The following SLC7A1 variants were observed in gnomAD, a reference collection of about 807,000 sequenced individuals.
SLC7A1 encodes the protein solute carrier family 7 member 1.
Under a neutral mutation model 53.9 loss-of-function variants are expected in SLC7A1, and 10 were observed. The ratio of observed to expected loss-of-function variants is 0.19; its 90% CI spans 0.11 to 0.31. The LOEUF is 0.31. Among genes scored for constraint, SLC7A1 ranks in the 10% least tolerant of loss-of-function variants. The pLI is 1.00. For missense variants in SLC7A1, 525 were observed against 827.2 expected, an observed-to-expected ratio of 0.63 and a Z score of 4.48; for synonymous variants, 342 against 338.7, an observed-to-expected ratio of 1.01 and a Z score of -0.11.
rs1883582077 is a variant in SLC7A1, at chr13:29,517,178, C to T, written c.1643G>A (p.Arg548Lys). Residue 548 changes from arginine (R) to lysine (K), a missense_variant, in exon 11 of 13, where the codon AGG becomes AAG. Physicochemically the swap from Arg to Lys is conservative, Grantham distance 26. Transcript: ENST00000380752. ...LCAVVTGVIW[R>K]QPESKTKLSF... ...GAGCTTGGTCTTGCTCTCGGGCTGCCTCCAGATGACGCCCGTGACCACGGC... is the reference window on the plus strand; with the variant it reads ...GAGCTTGGTCTTGCTCTCGGGCTGCTTCCAGATGACGCCCGTGACCACGGC... The T allele has an allele frequency of 6.2e-7, 1 of 1,612,458 alleles. No individual in the cohort carries two copies. The highest frequency in any genetic ancestry group is 8.5e-7 in the Non-Finnish European group (1 of 1,179,360).
chr13:29,530,038 T>A (rs2139092737), intron 5 of SLC7A1, among the ~76,000 whole-genome samples: 2 of 152,312 alleles, frequency 1.3e-5, no homozygotes, highest in Middle Eastern at 6.8e-3. Context: ...AAGACTATTG[T>A]GCTCACATTC....
chr13:29,545,888 T>C (rs280950), intron 2 of SLC7A1, among the ~76,000 whole-genome samples: 149,563 of 152,368 alleles, frequency 0.98, 73,476 homozygotes, highest in East Asian at 1. Flanking sequence ...ACCCGAAAAG[T>C]GTTTCCTCCT....
rs2139107051 is a variant in SLC7A1 at position 29,537,103 on chromosome 13, A to C, written c.-14-901T>G. Among the ~76,000 whole-genome samples the C allele has an allele frequency of 1.3e-5, 2 of 152,320 alleles. 1 individual carries two copies. The highest frequency in any genetic ancestry group is 4.1e-4 in the South Asian group (2 of 4,832). On this transcript the variant is annotated intron_variant, in intron 2 of 12. Transcript: ENST00000380752. ...AAGGACAGGCCAGCAGCCACCCTCA[A>C]AAAGGGGGAGCTTTGCTCCCCACAT...
At position 29,530,519 on chromosome 13, in the gene SLC7A1, G is replaced by T. The variant is rs1426744386; in HGVS notation, c.704+19C>A. ...CATTAAATGTCAACTAAGAAAAATGGTCAGAAGCAGCAACTCACTTGTTCA... is the reference window on the plus strand; with the variant it reads ...CATTAAATGTCAACTAAGAAAAATGTTCAGAAGCAGCAACTCACTTGTTCA... On this transcript the variant is annotated intron_variant, in intron 5 of 12. Transcript: ENST00000380752. 1 of 1,610,978 alleles carries T rather than the reference G, an allele frequency of 6.2e-7. No individual in the cohort carries two copies. The highest frequency in any genetic ancestry group is 8.5e-7 in the Non-Finnish European group (1 of 1,177,610).
rs141969236 is a variant in SLC7A1, at chr13:29,556,404, C to A, written c.-114-2544G>T. ...AATTTTCTTTTTTTTTAGACAGGGT[C>A]TCACTCTGTCACTCAGGCGACAGAA... On this transcript the variant is annotated intron_variant, in intron 1 of 12. Coordinates refer to ENST00000380752, the MANE Select transcript of SLC7A1 (RefSeq NM_003045.5). Among the ~76,000 whole-genome samples the A allele has an allele frequency of 6.6e-5, 10 of 151,938 alleles. No individual in the cohort carries two copies. The East Asian group carries it at 1.9e-3, about 29-fold the overall frequency.
At chr13:29,555,542 C>G (rs554779578) in intron 1 of SLC7A1, among the ~76,000 whole-genome samples, 1 of 151,326 alleles carries the variant, frequency 6.6e-6, no homozygotes, top group South Asian at 2.1e-4. Flanking sequence ...CACCGAGAAC[C>G]ATGAAGGTTG....
intron 1 of SLC7A1, among the ~76,000 whole-genome samples, chr13:29,567,899 G>A (rs944939701): frequency 2.0e-5 from 3 of 151,890 alleles, no homozygotes; most frequent in Non-Finnish European, 4.4e-5. Flanking sequence ...TTGCTGGAAC[G>A]TGCATGCCCT....
intron 7 of SLC7A1, among the ~76,000 whole-genome samples, chr13:29,523,023 A>G (rs1268653612): frequency 6.6e-6 from 1 of 152,212 alleles, no homozygotes; most frequent in Non-Finnish European, 1.5e-5. Context: ...TCCCTTGCTA[A>G]GCAGATGATG....
At chr13:29,567,191 C>T (rs149206357) in intron 1 of SLC7A1, among the ~76,000 whole-genome samples, 2 of 152,050 alleles carry the variant, frequency 1.3e-5, no homozygotes, top group Non-Finnish European at 2.9e-5. Flanking sequence ...GGTGACAGGG[C>T]GCAGAATAAT....
rs2776953 is a variant in SLC7A1 at position 29,518,905 on chromosome 13, G to T, written c.1292+542C>A. On this transcript the variant is annotated intron_variant, in intron 9 of 12. Coordinates refer to ENST00000380752, the MANE Select transcript of SLC7A1 (RefSeq NM_003045.5). ...GCCCAGAGCAGCTTTACTGTGACTG[G>T]GAGAGGCTTGCCTGGCCCCCACCAG... Among the ~76,000 whole-genome samples the T allele has an allele frequency of 2.9e-4, 44 of 151,868 alleles. No individual in the cohort carries two copies. The South Asian group carries it at 7.3e-3, about 25-fold the overall frequency.
chr13:29,543,835 G>C (rs182597366), intron 2 of SLC7A1, among the ~76,000 whole-genome samples: 1 of 152,212 alleles, frequency 6.6e-6, no homozygotes, highest in Non-Finnish European at 1.5e-5. Context: ...TTCTGCAGGA[G>C]GACAGAGTGG....
chr13:29,550,419 C>G (rs895886381), intron 2 of SLC7A1, among the ~76,000 whole-genome samples: 5 of 152,252 alleles, frequency 3.3e-5, no homozygotes, highest in Non-Finnish European at 5.9e-5. Context: ...CACTTTTCAA[C>G]TCCCCCTTTC....
chr13:29,583,726 T>A (rs1472643876), intron 1 of SLC7A1, among the ~76,000 whole-genome samples: 1 of 152,194 alleles, frequency 6.6e-6, no homozygotes, highest in Non-Finnish European at 1.5e-5. Flanking sequence ...TAGGCCTGAA[T>A]CCCAGCACAA....
chr13:29,561,653 A>AGAAC (rs1260354491), intron 1 of SLC7A1, among the ~76,000 whole-genome samples: 8 of 152,214 alleles, frequency 5.3e-5, no homozygotes, highest in African/African-American at 1.9e-4. Flanking sequence ...AAGGAGAGTG[A>AGAAC]TGGAGGACAG....
At chr13:29,519,758 G>A (rs1036553495) in intron 8 of SLC7A1, among the ~76,000 whole-genome samples, 5 of 148,834 alleles carry the variant, frequency 3.4e-5, no homozygotes, top group Non-Finnish European at 5.9e-5. Flanking sequence ...GTCCTCAACA[G>A]ACAGTAATCA....
chr13:29,535,403 T>C (rs1316375705), intron 3 of SLC7A1, among the ~76,000 whole-genome samples: 2 of 152,236 alleles, frequency 1.3e-5, no homozygotes, highest in Admixed American at 6.5e-5. Context: ...TAACCATAGT[T>C]GTATCTGTAG....
At chr13:29,524,917 G>A (rs1006743488) in intron 5 of SLC7A1, among the ~76,000 whole-genome samples, 1 of 152,202 alleles carries the variant, frequency 6.6e-6, no homozygotes, top group African/African-American at 2.4e-5. Context: ...GAAGAAGCAG[G>A]CTGCTTAAAC....
intron 8 of SLC7A1, among the ~76,000 whole-genome samples, chr13:29,521,012 A>T (rs1868609662): frequency 6.6e-6 from 1 of 152,352 alleles, no homozygotes; most frequent in African/African-American, 2.4e-5. Context: ...TCCCTCTATC[A>T]GCAGGGGAAG....
chr13:29,523,594 C>T lies in SLC7A1; in HGVS notation c.827-106G>A, dbSNP rs150221825. The T allele has an allele frequency of 2.1e-5, 17 of 790,810 alleles. No homozygotes were observed. The East Asian group carries it at 2.4e-4, about 11-fold the overall frequency. 49.0% of individuals were successfully genotyped at this position (790,810 alleles called of 1,614,324 possible). ...GTGCCCCGGAACCCACGTGACCCTA[C>T]GAGAAACCTCCCTCCAGCACTCAGC... On this transcript the variant is annotated intron_variant, in intron 6 of 12. Transcript: ENST00000380752.
Sources: allele counts gnomAD v4.1 joint callset (sites outside exome capture counted in the v4.1 genomes callset), GRCh38; gene constraint gnomAD v4.1.1; transcripts MANE v1.5; gene names NCBI Gene and HGNC (gene_info 2026-07-23, HGNC 2026-07-21).